The following AARS2 variants were observed in gnomAD, a reference collection of about 807,000 sequenced individuals.
The protein encoded by AARS2 is alanine--tRNA ligase, mitochondrial.
In AARS2, 78 loss-of-function variants were observed where a neutral mutation model predicts 119.7. That is an observed-to-expected ratio of 0.65 (90% CI 0.54 to 0.79). The LOEUF (loss-of-function observed/expected upper bound fraction) is 0.79, where lower values mean the gene tolerates loss of function less well. Among genes scored for constraint, AARS2 ranks in the 30% least tolerant of loss-of-function variants. The probability of loss-of-function intolerance (pLI) is 0.00; values close to 1 mark genes in which losing one functional copy is unlikely to be tolerated. For missense variants in AARS2, 1,157 were observed against 1,291.3 expected (o/e 0.90, Z 1.59); for synonymous variants, 502 against 526.3 (o/e 0.95, Z 0.63).
At chr6:44,306,557 G>A in intron 7 of AARS2, 25 bp from the exon 8 acceptor site, 1 of 1,614,116 alleles carries the variant, frequency 6.2e-7, no homozygotes, top group South Asian at 1.1e-5. Flanking sequence ...GAGGGCTGAG[G>A]AGGTGTGAAA....
Position 44,311,158 on chromosome 6 carries a change from C to T in AARS2, c.585G>A (p.Val195=). The T allele has an allele frequency of 1.2e-6, 2 of 1,614,112 alleles. No individual in the cohort carries two copies. Among genetic ancestry groups the T allele is most frequent in the Non-Finnish European group, 1.7e-6 (2 of 1,180,032 alleles). ...CAAAGGAAAGCACACGGCTAGCAGG[C>T]ACCCTGGGGAGAAAAGCAGGTGAGT... The part of the protein sequence containing the change: ...ETRDIWLSLG[V]PASRVLSFGP... The change falls in exon 4 of 22, where the codon GTG becomes GTA. Residue 195 remains valine, a synonymous_variant. Coordinates refer to ENST00000244571, the MANE Select transcript of AARS2 (RefSeq NM_020745.4).
rs161706 is a variant in AARS2, at chr6:44,306,714, G to A, written c.1150-182C>T. ...TGGCAGAAGGGGGTCCTGAGGTCAA[G>A]GGCTGAGCAGTTTGGAAAAGGAGCC... is the stretch of plus-strand genomic sequence containing the variant. On this transcript the variant is annotated intron_variant, in intron 7 of 21. Coordinates refer to ENST00000244571, the MANE Select transcript of AARS2 (RefSeq NM_020745.4). 0.9 allele frequency among the ~76,000 whole-genome samples: 137,085 copies of A among 152,134 alleles called. 62,613 individuals are homozygous for A. Among genetic ancestry groups the A allele is most frequent in the East Asian group, 1 (5,165 of 5,174 alleles).
rs924995572 is a variant in AARS2 at position 44,298,956 on chromosome 6, G to C, written c.*1591C>G. The stretch of plus-strand genomic sequence containing the variant: ...GTGCCAATTTTCAGCTTCAGCTCAG[G>C]CTTGAGGCAGGTGCTGTACAACTTG... On this transcript the variant is annotated 3_prime_UTR_variant, in exon 22 of 22. Coordinates refer to ENST00000244571, the MANE Select transcript of AARS2 (RefSeq NM_020745.4). 6.6e-6 allele frequency among the ~76,000 whole-genome samples: 1 copy of C among 152,148 alleles called. No individual in the cohort carries two copies. Among genetic ancestry groups the C allele is most frequent in the Non-Finnish European group, 1.5e-5 (1 of 68,022 alleles).
At chr6:44,301,027 C>G in intron 21 of AARS2, 129 bp downstream of exon 21, 1 of 891,968 alleles carries the variant, frequency 1.1e-6, no homozygotes, top group Non-Finnish European at 1.7e-6. Context: ...CATCCCTGTC[C>G]TGGAGTATCC....
rs1009486848 is a variant in AARS2 at position 44,303,574 on chromosome 6, G to C, written c.2008-151C>G. On this transcript the variant is annotated intron_variant, in intron 14 of 21. Coordinates refer to ENST00000244571, the MANE Select transcript of AARS2 (RefSeq NM_020745.4). The stretch of plus-strand genomic sequence containing the variant: ...AATAGGTGCTCAATAAACACTACCT[G>C]AGCAGACAATTATTTTCCTTAGAAA... The C allele has an allele frequency of 9.7e-6, 12 of 1,239,294 alleles. No individual in the cohort carries two copies. In the African/African-American group the frequency reaches 1.8e-4, roughly 18 times the overall value. 76.8% of individuals were successfully genotyped at this position (1,239,294 alleles called of 1,614,324 possible). A position where few individuals can be genotyped will look rare whatever the true frequency, so the allele number is the denominator to read the frequency against.
Position 44,301,424 on chromosome 6 carries a change from T to A in AARS2, c.2639A>T (p.Lys880Met), listed in dbSNP as rs147575189. 2 of 1,613,918 alleles carry A rather than the reference T, an allele frequency of 1.2e-6. No individual in the cohort carries two copies. The highest frequency in any genetic ancestry group is 2.2e-5 in the South Asian group (2 of 91,076). The change falls in exon 20 of 22, where the codon AAG becomes ATG. Residue 880 changes from lysine to methionine, a missense_variant. Transcript: ENST00000244571. The part of the protein sequence containing the change: ...KTQELLERHS[K>M]GPLIVDTVSA... Reference sequence around the variant, plus strand: ...GACTGTGTCCACAATCAGAGGCCCCTTCGAGTGCCGCTCCAGCAGCTCCTG... The same window carrying A: ...GACTGTGTCCACAATCAGAGGCCCCATCGAGTGCCGCTCCAGCAGCTCCTG...
In AARS2 at chr6:44,310,858, G is replaced by T. The variant is rs116720208; in HGVS notation, c.749+136C>A. ...AATTAAATCAGTTATTATCTATAAG[G>T]TGTTGAGAATTGTGCCTGACACACG... On this transcript the variant is annotated intron_variant, in intron 4 of 21. Coordinates refer to ENST00000244571, the MANE Select transcript of AARS2 (RefSeq NM_020745.4). 18,568 of 1,051,978 alleles carry T rather than the reference G, an allele frequency of 0.018. 261 individuals are homozygous for T. The highest frequency in any genetic ancestry group is 0.022 in the Non-Finnish European group (15,644 of 698,898). 65.2% of individuals were successfully genotyped at this position (1,051,978 alleles called of 1,614,324 possible).
chr6:44,302,616 C>T, intron 17 of AARS2, 103 bp from the exon 18 acceptor site: 1 of 1,581,122 alleles, frequency 6.3e-7, no homozygotes, highest in African/African-American at 1.3e-5. Flanking sequence ...ACAATCAGGA[C>T]CAATCAAGGC....
In AARS2 at chr6:44,312,172, C is replaced by G. The variant is rs751154898; in HGVS notation, c.335G>C (p.Gly112Ala). 1 of 1,614,264 alleles carries G rather than the reference C, an allele frequency of 6.2e-7. No homozygotes were observed. Among genetic ancestry groups the G allele is most frequent in the Non-Finnish European group, 8.5e-7 (1 of 1,180,058 alleles). ...VANSQKCVRA[G>A]GHHNDLEDVG... ...ATCTTCCAGGTCGTTATGGTGTCCTCCAGCTCTCACACATTTCTGGCTGTT... is the reference window on the plus strand; with the variant it reads ...ATCTTCCAGGTCGTTATGGTGTCCTGCAGCTCTCACACATTTCTGGCTGTT... The change falls in exon 2 of 22, where the codon GGA becomes GCA. Residue 112 changes from glycine (G) to alanine (A), a missense_variant. Coordinates refer to ENST00000244571, the MANE Select transcript of AARS2 (RefSeq NM_020745.4).
At position 44,306,950 on chromosome 6, in the gene AARS2, G is replaced by T. The variant is rs1227028305; in HGVS notation, c.1122C>A (p.Ser374Arg). The T allele has an allele frequency of 1.2e-6, 2 of 1,613,936 alleles. No individual in the cohort carries two copies. The highest frequency in any genetic ancestry group is 1.3e-5 in the African/African-American group (1 of 74,878). ...GTGTCTCCACCACTACAGGTACCAG[G>T]CTGCCTAGGAAGCCAGGTGGTGCCT... ...ILKAPPGFLG[S>R]LVPVVVETLG... Residue 374 changes from serine to arginine, a missense_variant, in exon 7 of 22, where the codon AGC (serine) becomes AGA (arginine). By Grantham distance (110) the Ser-to-Arg change is moderately radical. Coordinates refer to ENST00000244571, the MANE Select transcript of AARS2 (RefSeq NM_020745.4).
Position 44,303,346 on chromosome 6 carries a change from G to A in AARS2, c.2085C>T (p.Tyr695=). 1 of 1,614,022 alleles carries A rather than the reference G, an allele frequency of 6.2e-7. No individual in the cohort carries two copies. Reference sequence around the variant, plus strand: ...TGAGCGCCAGGGGCACCTCCTCCATGTACACAGCCTCATCCTGCCCCACGG... The same window carrying A: ...TGAGCGCCAGGGGCACCTCCTCCATATACACAGCCTCATCCTGCCCCACGG... The part of the protein sequence containing the change: ...QEAVGQDEAV[Y]MEEVPLALTA... Residue 695 remains tyrosine (Y), a synonymous_variant, in exon 15 of 22, where the codon TAC becomes TAT. Transcript: ENST00000244571.
At position 44,305,427 on chromosome 6, in the gene AARS2, C is replaced by T. The variant is rs1330905599; in HGVS notation, c.1434+226G>A. Among the ~76,000 whole-genome samples, 1 of 152,208 alleles carries T rather than the reference C, an allele frequency of 6.6e-6. No individual in the cohort carries two copies. Among genetic ancestry groups the T allele is most frequent in the Non-Finnish European group, 1.5e-5 (1 of 68,024 alleles). ...CCTGCCCACTGCTGCCCCTGGAGGGCCCCTCTCCAGGAAGCTGTGCTGGCT... is the reference window on the plus strand; with the variant it reads ...CCTGCCCACTGCTGCCCCTGGAGGGTCCCTCTCCAGGAAGCTGTGCTGGCT... On this transcript the variant is annotated intron_variant, in intron 10 of 21. Coordinates refer to ENST00000244571, the MANE Select transcript of AARS2 (RefSeq NM_020745.4). The surrounding 1 kb of genome is among the most constrained non-coding windows in gnomAD (Gnocchi z 4.6).
At position 44,302,066 on chromosome 6, in the gene AARS2, C is replaced by T; in HGVS notation, c.2592G>A (p.Met864Ile). 2 of 1,614,112 alleles carry T rather than the reference C, an allele frequency of 1.2e-6. No homozygotes were observed. Among genetic ancestry groups the T allele is most frequent in the Non-Finnish European group, 1.7e-6 (2 of 1,180,026 alleles). Residue 864 changes from methionine to isoleucine, a missense_variant, in exon 19 of 22, where the codon ATG becomes ATA. Met to Ile is a conservative substitution (Grantham distance 10, BLOSUM62 1). Transcript: ENST00000244571. ...RANTAIRKLQ[M>I]GQAAKKTQEL... ...CAGCCAAACCTCCTCTCACCTGTCC[C>T]ATTTGCAGCTTACGGATGGCAGTGT...
rs1785859413 is a variant in AARS2 at position 44,306,460 on chromosome 6, A to G, written c.1188+34T>C. The G allele has an allele frequency of 1.9e-6, 3 of 1,613,974 alleles. No homozygotes were observed. In the African/African-American group the frequency reaches 4.0e-5, roughly 22 times the overall value. Reference sequence around the variant, plus strand: ...GAGGGTCTCTCTCCACAACTCTCCCATCAACCCCTTTCTCTCCCACTGGAA... The same window carrying G: ...GAGGGTCTCTCTCCACAACTCTCCCGTCAACCCCTTTCTCTCCCACTGGAA... On this transcript the variant is annotated intron_variant, in intron 8 of 21. Transcript: ENST00000244571.
rs1045829724 is a variant in AARS2 at position 44,304,221 on chromosome 6, T to C, written c.1967A>G (p.His656Arg). The change falls in exon 14 of 22, where the codon CAT becomes CGT. Residue 656 changes from histidine (H) to arginine (R), a missense_variant. His to Arg is a conservative substitution (Grantham distance 29, BLOSUM62 0). Transcript: ENST00000244571. ...LGPGTEQQGS[H>R]LNPEQLRLDV... is the part of the protein sequence containing the mutation. ...CAAGCGCAGCTGCTCAGGATTGAGA[T>C]GGGAGCCCTGCTGCTCTGTGCCAGG... The C allele has an allele frequency of 1.1e-5, 17 of 1,613,956 alleles. No homozygotes were observed. The highest frequency in any genetic ancestry group is 1.4e-5 in the Non-Finnish European group (16 of 1,180,038).
In AARS2 at chr6:44,305,553, C is replaced by A. The variant is rs970543153; in HGVS notation, c.1434+100G>T. 19 of 1,569,864 alleles carry A rather than the reference C, an allele frequency of 1.2e-5. No individual in the cohort carries two copies. The African/African-American group carries it at 2.3e-4, about 19-fold the overall frequency. ...GTGAGGGGACAGATCCTATCTCAGC[C>A]TCTTGATTCCTCTCAATATTCACAG... On this transcript the variant is annotated intron_variant, in intron 10 of 21. Transcript: ENST00000244571. The surrounding 1 kb of genome is among the most constrained non-coding windows in gnomAD (Gnocchi z 4.6).
At position 44,299,454 on chromosome 6, in the gene AARS2, C is replaced by G. The variant is rs562294322; in HGVS notation, c.*1093G>C. On this transcript the variant is annotated 3_prime_UTR_variant, in exon 22 of 22. Transcript: ENST00000244571. ...GATTACTTTTTTTTTTTTTTGTAGA[C>G]AGGGTCTTGCTGTTTGCGCAGGCTG... Among the ~76,000 whole-genome samples the G allele has an allele frequency of 1.7e-4, 26 of 150,074 alleles. No individual in the cohort carries two copies. Among genetic ancestry groups the G allele is most frequent in the Admixed American group, 1.3e-3 (20 of 15,058 alleles).
rs772085865 is a variant in AARS2 at position 44,305,647 on chromosome 6, T to C, written c.1434+6A>G. ...AGAACCCAGCATGGGGTGCCACAGC[T>C]TGTACCTGGGCCTCCTCTTGGGCCA... On this transcript the variant is annotated splice_donor_region_variant and intron_variant, in intron 10 of 21. Coordinates refer to ENST00000244571, the MANE Select transcript of AARS2 (RefSeq NM_020745.4). This position sits in a 1 kb window ranked among gnomAD's most constrained non-coding sequence, Gnocchi z 4.6. 5.0e-6 allele frequency: 8 copies of C among 1,613,880 alleles called. No individual in the cohort carries two copies. Among genetic ancestry groups the C allele is most frequent in the Non-Finnish European group, 5.9e-6 (7 of 1,179,972 alleles).
chr6:44,305,924 G>T lies in AARS2; in HGVS notation c.1301-138C>A. On this transcript the variant is annotated intron_variant, in intron 9 of 21. Transcript: ENST00000244571. This position sits in a 1 kb window ranked among gnomAD's most constrained non-coding sequence, Gnocchi z 4.6. Reference sequence around the variant, plus strand: ...ACAAATACCCGCTCCATACTGGGTAGCCTCAGGAGAGGGGTCACATTCAGG... The same window carrying T: ...ACAAATACCCGCTCCATACTGGGTATCCTCAGGAGAGGGGTCACATTCAGG... 9.2e-7 allele frequency: 1 copy of T among 1,085,670 alleles called. No individual in the cohort carries two copies. The highest frequency in any genetic ancestry group is 1.4e-6 in the Non-Finnish European group (1 of 731,324). The allele number at this position is 1,085,670 out of a possible 1,614,324, so 67.3% of individuals were successfully genotyped here. A position where few individuals can be genotyped will look rare whatever the true frequency, so the allele number is the denominator to read the frequency against.
Sources: gnomAD v4.1 joint callset for allele counts (sites outside exome capture counted in the v4.1 genomes callset) on GRCh38, gnomAD v4.1.1 for gene constraint, Gnocchi (gnomAD v3.1) non-coding constraint, MANE v1.5 for transcripts, NCBI Gene and HGNC (gene_info 2026-07-23, HGNC 2026-07-21) for gene names.